POU6F2: variants seen among roughly 807,000 people sequenced by gnomAD.
POU6F2 encodes POU domain, class 6, transcription factor 2.
Under a neutral mutation model 71.3 loss-of-function variants are expected in POU6F2, and 31 were observed. The ratio of observed to expected loss-of-function variants is 0.43; its 90% CI spans 0.33 to 0.59. The LOEUF is 0.59. POU6F2 is among the 20% of genes least tolerant of loss of function. The pLI, the probability that POU6F2 is intolerant of heterozygous loss-of-function variation, is 0.04. For missense variants in POU6F2, 783 were observed against 856.8 expected (o/e 0.91, Z 1.07); for synonymous variants, 347 against 355.7 (o/e 0.98, Z 0.27).
intron 2 of POU6F2, among the ~76,000 whole-genome samples, chr7:39,126,852 A>G (rs73695674): frequency 0.026 from 3,979 of 152,324 alleles, 170 homozygotes; most frequent in African/African-American, 0.091. Context: ...ATCAAATGTA[A>G]GTAGAATAAT....
intron 1 of POU6F2, among the ~76,000 whole-genome samples, chr7:39,076,005 GC>G (rs1005858299): frequency 2.0e-5 from 3 of 152,334 alleles, no homozygotes; most frequent in Admixed American, 1.3e-4. Flanking sequence ...TCTGGAAGCA[GC>G]ATATGGGTCA....
At chr7:39,317,017 ACT>A (rs1785281796) in intron 4 of POU6F2, among the ~76,000 whole-genome samples, 1 of 152,108 alleles carries the variant, frequency 6.6e-6, no homozygotes, top group Non-Finnish European at 1.5e-5. Context: ...GAGAGGGAAG[ACT>A]CTGATGTTCT....
intron 5 of POU6F2, among the ~76,000 whole-genome samples, chr7:39,397,404 T>G (rs988511012): frequency 1.4e-5 from 2 of 148,082 alleles, no homozygotes; most frequent in East Asian, 1.9e-4. Flanking sequence ...AATATATATA[T>G]AGACAAAAAT....
intron 4 of POU6F2, among the ~76,000 whole-genome samples, chr7:39,224,991 T>C (rs193199414): frequency 6.6e-6 from 1 of 152,304 alleles, no homozygotes; most frequent in East Asian, 1.9e-4. Flanking sequence ...TTTTTTAAGA[T>C]GGAGAACTCC....
intron 4 of POU6F2, among the ~76,000 whole-genome samples, chr7:39,300,965 A>G (rs921532566): frequency 4.6e-5 from 7 of 152,176 alleles, no homozygotes; most frequent in Admixed American, 2.0e-4. Flanking sequence ...ATTTTCCTTG[A>G]AATGCTGTCT....
At chr7:39,114,439 C>T (rs1355051659) in intron 2 of POU6F2, among the ~76,000 whole-genome samples, 2 of 152,128 alleles carry the variant, frequency 1.3e-5, no homozygotes, top group Admixed American at 6.5e-5. Context: ...TTAATAGGAA[C>T]TTCCTCCAGC....
chr7:39,078,646 G>A (rs1482538520), intron 1 of POU6F2, among the ~76,000 whole-genome samples: 1 of 152,172 alleles, frequency 6.6e-6, no homozygotes, highest in African/African-American at 2.4e-5. Context: ...CAAACCTGGG[G>A]CGGAGCTCAC....
At chr7:39,163,370 C>A (rs1228785836) in intron 2 of POU6F2, among the ~76,000 whole-genome samples, 1 of 152,160 alleles carries the variant, frequency 6.6e-6, no homozygotes, top group Admixed American at 6.5e-5. Flanking sequence ...GAAGGAGTAA[C>A]ACAGAGAACA....
At chr7:39,196,370 A>G (rs1793787316) in intron 2 of POU6F2, among the ~76,000 whole-genome samples, 1 of 152,222 alleles carries the variant, frequency 6.6e-6, no homozygotes. Flanking sequence ...AATGACCTGT[A>G]ATAGACATGT....
chr7:39,282,777 T>C (rs1408953289), intron 4 of POU6F2, among the ~76,000 whole-genome samples: 2 of 152,176 alleles, frequency 1.3e-5, no homozygotes, highest in African/African-American at 4.8e-5. Context: ...TGTTTTGTGG[T>C]TCTATATGAA....
chr7:39,283,433 CCACT>C (rs1486455162), intron 4 of POU6F2, among the ~76,000 whole-genome samples: 1 of 152,164 alleles, frequency 6.6e-6, no homozygotes, highest in Non-Finnish European at 1.5e-5. Context: ...CCCATTCCCT[CCACT>C]CCCAAGCCCT....
At chr7:39,212,651 A>G (rs1794162898) in intron 4 of POU6F2, among the ~76,000 whole-genome samples, 1 of 152,136 alleles carries the variant, frequency 6.6e-6, no homozygotes, top group Non-Finnish European at 1.5e-5. Context: ...GTAAGCAAGC[A>G]CACACCTGTG....
chr7:39,270,334 T>C lies in POU6F2; in HGVS notation c.598+62714T>C, dbSNP rs567998308. On this transcript the variant is annotated intron_variant, in intron 4 of 9. Coordinates refer to ENST00000518318, the MANE Select transcript of POU6F2 (RefSeq NM_001370959.1). ...GCTTTGTAGATACAGACTGAATCTT[T>C]AGAACAATTTTATTTTACAGATGAG... Among the ~76,000 whole-genome samples, 16 of 152,298 alleles carry C rather than the reference T, an allele frequency of 1.1e-4. No homozygotes were observed. In the South Asian group the frequency reaches 2.5e-3, roughly 24 times the overall value.
At chr7:39,108,155 G>A (rs559747281) in intron 2 of POU6F2, among the ~76,000 whole-genome samples, 12 of 152,176 alleles carry the variant, frequency 7.9e-5, no homozygotes, top group African/African-American at 1.2e-4. Flanking sequence ...CATAGTAACC[G>A]CCTCATCTGG....
intron 1 of POU6F2, among the ~76,000 whole-genome samples, chr7:39,016,596 A>G (rs1436160379): frequency 1.3e-5 from 2 of 152,156 alleles, no homozygotes. Flanking sequence ...CTAGCTAACC[A>G]AAGTCAAATA....
Position 39,359,403 on chromosome 7 carries a change from A to G in POU6F2, c.972+19388A>G, listed in dbSNP as rs918844603. Reference sequence around the variant, plus strand: ...TATATTTTAAACATCCTCTGGATTTATTATAGAAAAATATTTTATTATAAA... The same window carrying G: ...TATATTTTAAACATCCTCTGGATTTGTTATAGAAAAATATTTTATTATAAA... On this transcript the variant is annotated intron_variant, in intron 5 of 9. Transcript: ENST00000518318. Among the ~76,000 whole-genome samples the G allele has an allele frequency of 2.0e-5, 3 of 152,194 alleles. No homozygotes were observed. In the East Asian group the frequency reaches 5.8e-4, roughly 29 times the overall value.
chr7:39,002,814 C>T (rs550856275), intron 1 of POU6F2, among the ~76,000 whole-genome samples: 16 of 152,326 alleles, frequency 1.1e-4, no homozygotes, highest in African/African-American at 2.6e-4. Flanking sequence ...ATCTTCTTCC[C>T]GGCATTGCCC....
intron 1 of POU6F2, among the ~76,000 whole-genome samples, chr7:38,993,690 T>C (rs893055110): frequency 7.4e-6 from 1 of 134,582 alleles, no homozygotes; most frequent in Non-Finnish European, 1.7e-5. Context: ...TATGGAAACC[T>C]TTTTTTTTGG....
intron 1 of POU6F2, among the ~76,000 whole-genome samples, chr7:38,996,035 C>CTTTTTTGTTTTTTTTT (rs1788726338): frequency 1.2e-5 from 1 of 85,390 alleles, no homozygotes; most frequent in Non-Finnish European, 2.2e-5. Flanking sequence ...AGGGGCTTGG[C>CTTTTTTGTTTTTTTTT]TTTTTTTTTT....
Sources: allele counts gnomAD v4.1 joint callset (sites outside exome capture counted in the v4.1 genomes callset), GRCh38; gene constraint gnomAD v4.1.1; transcripts MANE v1.5; gene names NCBI Gene and HGNC (gene_info 2026-07-23, HGNC 2026-07-21).